WWOX: variants seen among roughly 807,000 people sequenced by gnomAD.
WWOX encodes WW domain-containing oxidoreductase.
Under a neutral mutation model 46.2 loss-of-function variants are expected in WWOX, and 69 were observed. The ratio of observed to expected loss-of-function variants is 1.49; its 90% CI spans 1.23 to 1.82. WWOX has a LOEUF of 1.82. Ranked by LOEUF, WWOX falls within the 40% of genes most tolerant of loss-of-function variation. The probability of loss-of-function intolerance (pLI) is 0.00; values close to 1 mark genes in which losing one functional copy is unlikely to be tolerated. For synonymous variants in WWOX, 359 were observed against 202.6 expected (o/e 1.77, Z -6.56); for missense variants, 919 against 542.6 (o/e 1.69, Z -6.89).
intron 8 of WWOX, among the ~76,000 whole-genome samples, chr16:78,648,317 A>G (rs1255103914): frequency 6.6e-6 from 1 of 152,168 alleles, no homozygotes; most frequent in African/African-American, 2.4e-5. Context: ...GTTGTAAGGA[A>G]ACGCTGGTGG....
At chr16:78,157,250 G>T (rs528963542) in intron 4 of WWOX, among the ~76,000 whole-genome samples, 4 of 152,230 alleles carry the variant, frequency 2.6e-5, no homozygotes, top group Admixed American at 6.5e-5. Context: ...CTTGCATATG[G>T]CTGTTGGCAT....
chr16:79,202,828 A>T (rs540247388), intron 8 of WWOX: 1 of 152,230 alleles, frequency 6.6e-6, no homozygotes, highest in Non-Finnish European at 1.5e-5. Context: ...TACAGTCTAC[A>T]TAGGGGAAGA....
At position 78,663,389 on chromosome 16, in the gene WWOX, TC is replaced by T. The variant is rs2047261307; in HGVS notation, c.1056+230638del. Among the ~76,000 whole-genome samples, 4 of 152,212 alleles carry T rather than the reference TC, an allele frequency of 2.6e-5. No individual in the cohort carries two copies. The South Asian group carries it at 8.3e-4, about 31-fold the overall frequency. On this transcript the variant is annotated intron_variant, in intron 8 of 8. Transcript: ENST00000566780. ...CTTGTATGGCCAAATAATATTCTAT[TC>T]TATCAATATATTATACTTTGTTTAT...
At chr16:78,791,799 G>C (rs937236671) in intron 8 of WWOX, among the ~76,000 whole-genome samples, 5 of 152,048 alleles carry the variant, frequency 3.3e-5, no homozygotes, top group African/African-American at 1.2e-4. Flanking sequence ...AGAATCACTT[G>C]AACCGGAGAG....
At chr16:78,640,438 T>C (rs947085162) in intron 8 of WWOX, among the ~76,000 whole-genome samples, 1 of 151,964 alleles carries the variant, frequency 6.6e-6, no homozygotes, top group Non-Finnish European at 1.5e-5. Context: ...GGCTCACGTC[T>C]CCACATTCTG....
chr16:78,972,427 A>T (rs1381027928), intron 8 of WWOX, among the ~76,000 whole-genome samples: 1 of 151,718 alleles, frequency 6.6e-6, no homozygotes, highest in East Asian at 1.9e-4. Context: ...ACAAATTAAA[A>T]GCAGTAGAAA....
At chr16:78,318,191 G>T (rs530449440) in intron 5 of WWOX, among the ~76,000 whole-genome samples, 4 of 151,862 alleles carry the variant, frequency 2.6e-5, no homozygotes, top group Non-Finnish European at 4.4e-5. Flanking sequence ...TACTTCCCGG[G>T]GGCAGAGGAC....
chr16:78,391,890 T>C (rs1222220292), intron 6 of WWOX, among the ~76,000 whole-genome samples: 1 of 152,086 alleles, frequency 6.6e-6, no homozygotes, highest in Non-Finnish European at 1.5e-5. Context: ...AAGAAACATT[T>C]CTTTTGTGCC....
At chr16:78,913,640 C>A (rs1294596551) in intron 8 of WWOX, among the ~76,000 whole-genome samples, 3 of 151,456 alleles carry the variant, frequency 2.0e-5, no homozygotes, top group Non-Finnish European at 4.4e-5. Flanking sequence ...CCAACCAATA[C>A]CTGTGCTCAT....
intron 8 of WWOX, among the ~76,000 whole-genome samples, chr16:78,482,603 A>G (rs2084522170): frequency 6.6e-6 from 1 of 152,112 alleles, no homozygotes; most frequent in Admixed American, 6.6e-5. Context: ...TTTGCATGTG[A>G]TTTCTAATTT....
chr16:78,605,689 G>A (rs2045739899), intron 8 of WWOX, among the ~76,000 whole-genome samples: 1 of 152,164 alleles, frequency 6.6e-6, no homozygotes. Flanking sequence ...TGGAGGCATA[G>A]TTCTTTGTCA....
At chr16:78,708,743 T>C (rs2048376838) in intron 8 of WWOX, among the ~76,000 whole-genome samples, 2 of 152,084 alleles carry the variant, frequency 1.3e-5, no homozygotes, top group African/African-American at 4.8e-5. Flanking sequence ...CTTTAAAAAA[T>C]TAAAAAGATA....
chr16:79,129,124 T>C (rs2049822438), intron 8 of WWOX, among the ~76,000 whole-genome samples: 1 of 152,056 alleles, frequency 6.6e-6, no homozygotes. Context: ...ACGGTAGTTA[T>C]AAAATGTTGC....
At chr16:78,544,163 T>C (rs2043965972) in intron 8 of WWOX, among the ~76,000 whole-genome samples, 1 of 152,272 alleles carries the variant, frequency 6.6e-6, no homozygotes, top group Non-Finnish European at 1.5e-5. Context: ...TAATATTCAA[T>C]GAATAAAAAA....
At chr16:78,618,108 T>A (rs1479559675) in intron 8 of WWOX, among the ~76,000 whole-genome samples, 1 of 152,214 alleles carries the variant, frequency 6.6e-6, no homozygotes, top group African/African-American at 2.4e-5. Context: ...ACATTTTGCC[T>A]CTGAGAGACG....
chr16:78,158,138 A>G (rs2034666410), intron 4 of WWOX, among the ~76,000 whole-genome samples: 2 of 152,204 alleles, frequency 1.3e-5, no homozygotes, highest in Admixed American at 6.5e-5. Flanking sequence ...TTCTGTATAA[A>G]TAGACTGTTT....
At chr16:78,686,084 G>C (rs2047850060) in intron 8 of WWOX, among the ~76,000 whole-genome samples, 1 of 152,174 alleles carries the variant, frequency 6.6e-6, no homozygotes, top group Non-Finnish European at 1.5e-5. Context: ...GGGATCTATA[G>C]ATTGGGGAAA....
chr16:78,794,689 T>C (rs2050692778), intron 8 of WWOX, among the ~76,000 whole-genome samples: 1 of 152,248 alleles, frequency 6.6e-6, no homozygotes, highest in African/African-American at 2.4e-5. Context: ...CTGCAGCTGT[T>C]ATCTTTGTCA....
chr16:78,646,579 C>G (rs565461402), intron 8 of WWOX, among the ~76,000 whole-genome samples: 1 of 152,174 alleles, frequency 6.6e-6, no homozygotes, highest in Non-Finnish European at 1.5e-5. Context: ...ACGTATGTAC[C>G]ACTACTCCCG....
Sources: gnomAD v4.1 joint callset for allele counts (sites outside exome capture counted in the v4.1 genomes callset) on GRCh38, gnomAD v4.1.1 for gene constraint, MANE v1.5 for transcripts, NCBI Gene and HGNC (gene_info 2026-07-23, HGNC 2026-07-21) for gene names.